XPNPEP3: variants seen among roughly 807,000 people sequenced by gnomAD.
The protein encoded by XPNPEP3 is X-prolyl aminopeptidase 3.
A neutral mutation model predicts 60.0 loss-of-function variants in XPNPEP3; 41 were observed. The observed-to-expected ratio is 0.68, with a 90% CI of 0.53 to 0.89. The LOEUF (loss-of-function observed/expected upper bound fraction) is 0.89, where lower values mean the gene tolerates loss of function less well. XPNPEP3 is among the 40% of genes least tolerant of loss of function. The probability of loss-of-function intolerance (pLI) is 0.00; values close to 1 mark genes in which losing one functional copy is unlikely to be tolerated. For synonymous variants in XPNPEP3, 212 were observed against 223.2 expected, an observed-to-expected ratio of 0.95 and a Z score of 0.45; for missense variants, 598 against 638.9, an observed-to-expected ratio of 0.94 and a Z score of 0.69.
At chr22:40,898,328 A>ACTG (rs1456882627) in intron 4 of XPNPEP3, among the ~76,000 whole-genome samples, 1 of 115,182 alleles carries the variant, frequency 8.7e-6, no homozygotes, top group African/African-American at 4.8e-5. Flanking sequence ...ATCTCGGCTC[A>ACTG]CTGCAAGCTC....
chr22:40,901,913 T>C (rs2058134963), intron 4 of XPNPEP3, among the ~76,000 whole-genome samples: 1 of 152,080 alleles, frequency 6.6e-6, no homozygotes, highest in Admixed American at 6.6e-5. Context: ...ATGAAAATGT[T>C]TGGGAACTAG....
chr22:40,893,585 G>A (rs755628880), intron 4 of XPNPEP3, among the ~76,000 whole-genome samples: 19 of 149,534 alleles, frequency 1.3e-4, no homozygotes, highest in Non-Finnish European at 2.8e-4. Flanking sequence ...ATTCCACATA[G>A]TCATGGATAG....
chr22:40,869,569 C>T (rs1371195727), intron 2 of XPNPEP3, among the ~76,000 whole-genome samples: 3 of 152,002 alleles, frequency 2.0e-5, no homozygotes, highest in African/African-American at 7.3e-5. Flanking sequence ...AAATTATAAC[C>T]TATTTCTATA....
chr22:40,909,227 C>T lies in XPNPEP3; in HGVS notation c.961C>T (p.Leu321Phe), dbSNP rs1377735285. Reference sequence around the variant, plus strand: ...TTTGCACTATGTGAAAAATAATCAACTCATCAAGGTACGTGAGATGCCCTC... The same window carrying T: ...TTTGCACTATGTGAAAAATAATCAATTCATCAAGGTACGTGAGATGCCCTC... ...NTLHYVKNNQ[L>F]IKDGEMVLLD... The change falls in exon 6 of 10, where the codon CTC becomes TTC. Residue 321 changes from leucine (L) to phenylalanine (F), a missense_variant. Coordinates refer to ENST00000357137, the MANE Select transcript of XPNPEP3 (RefSeq NM_022098.4). The T allele has an allele frequency of 1.2e-6, 2 of 1,613,962 alleles. No homozygotes were observed. The highest frequency in any genetic ancestry group is 1.7e-6 in the Non-Finnish European group (2 of 1,179,950).
intron 1 of XPNPEP3, among the ~76,000 whole-genome samples, chr22:40,866,083 A>C (rs1717201672): frequency 2.0e-5 from 3 of 152,162 alleles, no homozygotes; most frequent in Admixed American, 2.0e-4. Context: ...TTCCTGTTGC[A>C]TGTAGTGGTA....
chr22:40,875,495 A>G (rs1228925918), intron 2 of XPNPEP3, among the ~76,000 whole-genome samples: 1 of 152,166 alleles, frequency 6.6e-6, no homozygotes, highest in Non-Finnish European at 1.5e-5. Flanking sequence ...CTCTATGTAA[A>G]TAAATTTATA....
At chr22:40,897,153 G>T (rs1468297334) in intron 4 of XPNPEP3, among the ~76,000 whole-genome samples, 2 of 149,490 alleles carry the variant, frequency 1.3e-5, no homozygotes, top group East Asian at 4.0e-4. Context: ...TCAGCCTCCT[G>T]AGTAGCTGGG....
intron 4 of XPNPEP3, among the ~76,000 whole-genome samples, chr22:40,891,301 A>G (rs2058087535): frequency 6.6e-6 from 1 of 151,448 alleles, no homozygotes; most frequent in African/African-American, 2.4e-5. Context: ...TCAAGGCTTC[A>G]GTAAGCCACG....
At chr22:40,876,589 A>G (rs1411885828) in intron 2 of XPNPEP3, among the ~76,000 whole-genome samples, 1 of 152,170 alleles carries the variant, frequency 6.6e-6, no homozygotes, top group Non-Finnish European at 1.5e-5. Context: ...CCAACTCACA[A>G]AAACCTAACT....
At chr22:40,914,454 C>A (rs750800548) in intron 7 of XPNPEP3, 130 bp downstream of exon 7, 63 of 754,108 alleles carry the variant, frequency 8.4e-5, no homozygotes, top group Non-Finnish European at 1.4e-4. Context: ...TGCAAAGCTC[C>A]TTATTATTTT....
Position 40,903,854 on chromosome 22 carries a change from TC to T in XPNPEP3, c.793-3727del, listed in dbSNP as rs1157796901. ...CCATGGGACAATGTTAAGGGATCCCTCCCCCCATCTCTCTCTCTGTCACACA... is the reference window on the plus strand; with the variant it reads ...CCATGGGACAATGTTAAGGGATCCCTCCCCCATCTCTCTCTCTGTCACACA... On this transcript the variant is annotated intron_variant, in intron 4 of 9. Transcript: ENST00000357137. Among the ~76,000 whole-genome samples, 7 of 129,404 alleles carry T rather than the reference TC, an allele frequency of 5.4e-5. No homozygotes were observed. The Admixed American group carries it at 6.5e-4, about 12-fold the overall frequency. 84.9% of individuals were successfully genotyped at this position (129,404 alleles called of 152,430 possible). A position where few individuals can be genotyped will look rare whatever the true frequency, so the allele number is the denominator to read the frequency against.
intron 4 of XPNPEP3, among the ~76,000 whole-genome samples, chr22:40,900,176 G>A (rs1248784457): frequency 6.6e-6 from 1 of 152,030 alleles, no homozygotes. Flanking sequence ...CCTTAGATTT[G>A]CCAAAGGATT....
chr22:40,898,701 T>C (rs531209037), intron 4 of XPNPEP3, among the ~76,000 whole-genome samples: 1 of 152,186 alleles, frequency 6.6e-6, no homozygotes, highest in African/African-American at 2.4e-5. Context: ...GGATAAAAGA[T>C]CTTAAACTGC....
At position 40,926,416 on chromosome 22, in the gene XPNPEP3, T is replaced by C; in HGVS notation, c.1505T>C (p.Ile502Thr). 1 of 1,614,138 alleles carries C rather than the reference T, an allele frequency of 6.2e-7. No homozygotes were observed. ...AAAGAGATGAATGACATTGAACAGA[T>C]ATGCAGCCAGGCTTCTTGACCTTCA... is the stretch of plus-strand genomic sequence containing the variant. ...CPKEMNDIEQICSQAS is the reference protein window; with the variant it reads ...CPKEMNDIEQTCSQAS The change falls in exon 10 of 10, where the codon ATA becomes ACA. Residue 502 changes from isoleucine to threonine, a missense_variant. Transcript: ENST00000357137.
chr22:40,885,632 A>G lies in XPNPEP3; in HGVS notation c.590-681A>G, dbSNP rs548780203. Among the ~76,000 whole-genome samples, 9 of 152,304 alleles carry G rather than the reference A, an allele frequency of 5.9e-5. No individual in the cohort carries two copies. In the East Asian group the frequency reaches 1.5e-3, roughly 26 times the overall value. Reference sequence around the variant, plus strand: ...ATGTTTTTCTGTCCTTCTGTGTGCAATTATTCAACAAGTGCCTCTAGCTCA... The same window carrying G: ...ATGTTTTTCTGTCCTTCTGTGTGCAGTTATTCAACAAGTGCCTCTAGCTCA... On this transcript the variant is annotated intron_variant, in intron 3 of 9. Coordinates refer to ENST00000357137, the MANE Select transcript of XPNPEP3 (RefSeq NM_022098.4).
intron 1 of XPNPEP3, chr22:40,859,402 A>G (rs1311363239): frequency 2.0e-5 from 3 of 152,192 alleles, no homozygotes; most frequent in Admixed American, 6.5e-5. Flanking sequence ...GAAATGGACT[A>G]CAGGGCATGT....
chr22:40,866,035 C>T (rs1419008966), intron 1 of XPNPEP3, among the ~76,000 whole-genome samples: 2 of 152,086 alleles, frequency 1.3e-5, no homozygotes, highest in Non-Finnish European at 1.5e-5. Context: ...GCTCTTTGAC[C>T]TCTCCATTAA....
intron 9 of XPNPEP3, among the ~76,000 whole-genome samples, chr22:40,925,273 G>A (rs942487842): frequency 2.6e-5 from 4 of 152,224 alleles, no homozygotes; most frequent in African/African-American, 7.2e-5. Flanking sequence ...GGTCCTGGGT[G>A]TTGGGCAGGA....
chr22:40,903,696 G>A (rs980394338), intron 4 of XPNPEP3, among the ~76,000 whole-genome samples: 1 of 151,852 alleles, frequency 6.6e-6, no homozygotes, highest in Admixed American at 6.6e-5. Context: ...CACCATTTTG[G>A]CCAAGCAGGT....
Sources: gnomAD v4.1 joint callset for allele counts (sites outside exome capture counted in the v4.1 genomes callset) on GRCh38, gnomAD v4.1.1 for gene constraint, MANE v1.5 for transcripts, NCBI Gene and HGNC (gene_info 2026-07-23, HGNC 2026-07-21) for gene names.